Variants in PLEKHG4B observed in about 807,000 individuals in gnomAD.
PLEKHG4B encodes pleckstrin homology and RhoGEF domain containing G4B.
In PLEKHG4B, 111 loss-of-function variants were observed where a neutral mutation model predicts 121.3. The ratio of observed to expected loss-of-function variants is 0.92; its 90% CI spans 0.78 to 1.07. The LOEUF (loss-of-function observed/expected upper bound fraction) is 1.07. Among genes scored for constraint, PLEKHG4B ranks in the 50% least tolerant of loss-of-function variants. The probability of loss-of-function intolerance (pLI) is 0.00; values close to 1 mark genes in which losing one functional copy is unlikely to be tolerated. For synonymous variants in PLEKHG4B, 738 were observed against 725.0 expected, an observed-to-expected ratio of 1.02 and a Z score of -0.29; for missense variants, 1,831 against 1,757.8, an observed-to-expected ratio of 1.04 and a Z score of -0.74.
At chr5:158,944 G>A (rs1053516093) in intron 11 of PLEKHG4B, among the ~76,000 whole-genome samples, 7 of 152,244 alleles carry the variant, frequency 4.6e-5, no homozygotes, top group African/African-American at 9.6e-5. Context: ...TTTTGAGGCC[G>A]TGGTATCTAA....
intron 13 of PLEKHG4B, among the ~76,000 whole-genome samples, chr5:164,334 A>T (rs557444376): frequency 2.0e-5 from 3 of 152,190 alleles, no homozygotes; most frequent in Admixed American, 2.0e-4. Flanking sequence ...CATGTGCAGT[A>T]GTGTTCGTGC....
intron 2 of PLEKHG4B, among the ~76,000 whole-genome samples, chr5:134,152 G>GA (rs1734876063): frequency 1.0e-5 from 1 of 99,808 alleles, no homozygotes; most frequent in Admixed American, 1.2e-4. Flanking sequence ...CCATAAAAAA[G>GA]AACAAAATAA....
chr5:150,630 T>G (rs937290526), intron 6 of PLEKHG4B, among the ~76,000 whole-genome samples: 2 of 152,196 alleles, frequency 1.3e-5, no homozygotes, highest in African/African-American at 4.8e-5. Flanking sequence ...TTGAGTACTC[T>G]TCACTGAAGA....
chr5:154,754 C>T, intron 7 of PLEKHG4B, 121 bp from the exon 8 acceptor site: 1 of 735,730 alleles, frequency 1.4e-6, no homozygotes, highest in Non-Finnish European at 2.4e-6. Flanking sequence ...TCCAGCAAAG[C>T]AGGGGCGATA....
chr5:152,931 C>T (rs1735652280), intron 7 of PLEKHG4B, among the ~76,000 whole-genome samples: 1 of 152,186 alleles, frequency 6.6e-6, no homozygotes, highest in South Asian at 2.1e-4. Context: ...TCTTGCTTCT[C>T]CTTTGCCTTC....
chr5:114,740 A>G (rs1734258139), intron 2 of PLEKHG4B, among the ~76,000 whole-genome samples: 1 of 152,206 alleles, frequency 6.6e-6, no homozygotes, highest in African/African-American at 2.4e-5. Context: ...TTAATAAACC[A>G]TGTTCTTTGC....
chr5:141,960 A>G (rs1281913047), intron 3 of PLEKHG4B, among the ~76,000 whole-genome samples: 1 of 152,136 alleles, frequency 6.6e-6, no homozygotes, highest in Non-Finnish European at 1.5e-5. Flanking sequence ...AGGCAATGGC[A>G]CCACAGCCCT....
At chr5:125,916 GT>G (rs1734599753) in intron 2 of PLEKHG4B, among the ~76,000 whole-genome samples, 1 of 152,242 alleles carries the variant, frequency 6.6e-6, no homozygotes, top group Middle Eastern at 3.4e-3. Context: ...CATTTTGAAT[GT>G]TTTGTCCCAC....
chr5:149,817 CAATT>C (rs1173674342), intron 6 of PLEKHG4B, among the ~76,000 whole-genome samples: 2 of 152,152 alleles, frequency 1.3e-5, no homozygotes, highest in Non-Finnish European at 2.9e-5. Context: ...ATCAAAACCT[CAATT>C]AAATACCACT....
intron 1 of PLEKHG4B, among the ~76,000 whole-genome samples, chr5:97,365 G>A (rs7723241): frequency 0.019 from 2,113 of 110,464 alleles, 2 homozygotes; most frequent in African/African-American, 0.052. Flanking sequence ...TCCTCATTCC[G>A]AAGTCAAAAC....
intron 2 of PLEKHG4B, among the ~76,000 whole-genome samples, chr5:115,364 G>C (rs550261720): frequency 1.2e-4 from 18 of 152,318 alleles, no homozygotes; most frequent in Admixed American, 7.2e-4. Flanking sequence ...TATTTATAGA[G>C]CAAGGCCAAG....
chr5:150,362 G>C (rs1313321605), intron 6 of PLEKHG4B, among the ~76,000 whole-genome samples: 2 of 152,168 alleles, frequency 1.3e-5, no homozygotes, highest in African/African-American at 4.8e-5. Context: ...GGGGGTAATG[G>C]AGAGTTTTTC....
At chr5:94,413 C>G (rs1733567454) in intron 1 of PLEKHG4B, among the ~76,000 whole-genome samples, 1 of 151,452 alleles carries the variant, frequency 6.6e-6, no homozygotes, top group Admixed American at 6.6e-5. Context: ...TTTGTCTGAC[C>G]CGAGACCCCA....
rs750399565 is a variant in PLEKHG4B, at chr5:182,118, C to T, written c.4679C>T (p.Ser1560Phe). Residue 1560 changes from serine (S) to phenylalanine (F), a missense_variant, in exon 20 of 20, where the codon TCC becomes TTC. Physicochemically the swap from Ser to Phe is radical, Grantham distance 155. Coordinates refer to ENST00000637938, the MANE Select transcript of PLEKHG4B (RefSeq NM_052909.5). ...SSTSSSSSQSSSILGSLGLLV... is the reference protein window; with the variant it reads ...SSTSSSSSQSFSILGSLGLLV... ...ACCTCCTCTTCTAGCAGCCAGTCCT[C>T]CTCCATCCTGGGGTCGCTGGGCCTG... The T allele has an allele frequency of 6.2e-6, 10 of 1,614,146 alleles. No homozygotes were observed. In the South Asian group the frequency reaches 1.1e-4, roughly 18 times the overall value.
chr5:140,493 G>T lies in PLEKHG4B; in HGVS notation c.1254G>T (p.Arg418Ser), dbSNP rs775104874. The change falls in exon 3 of 20, where the codon AGG (arginine) becomes AGT (serine). Residue 418 changes from arginine to serine, a missense_variant. Coordinates refer to ENST00000637938, the MANE Select transcript of PLEKHG4B (RefSeq NM_052909.5). ...AGACCCCAAGTCTAGAGAAGGAGAG[G>T]CACACACCCAGCCGGACAGGTCCAG... ...PQQTPSLEKE[R>S]HTPSRTGPGA... The T allele has an allele frequency of 6.3e-7, 1 of 1,596,026 alleles. No homozygotes were observed. The highest frequency in any genetic ancestry group is 8.5e-7 in the Non-Finnish European group (1 of 1,171,746).
intron 6 of PLEKHG4B, 128 bp downstream of exon 6, chr5:145,048 C>T: frequency 1.3e-6 from 1 of 793,904 alleles, no homozygotes; most frequent in Non-Finnish European, 2.0e-6. Flanking sequence ...GAGATGGGGG[C>T]CCCTGTGCAG....
intron 11 of PLEKHG4B, among the ~76,000 whole-genome samples, chr5:160,845 C>T (rs535895448): frequency 2.6e-5 from 4 of 152,304 alleles, no homozygotes; most frequent in South Asian, 2.1e-4. Context: ...CTGCCGAAGC[C>T]GCACCTGCCC....
Position 140,018 on chromosome 5 carries a change from G to T in PLEKHG4B, c.779G>T (p.Ser260Ile), listed in dbSNP as rs1173987494. Residue 260 changes from serine (S) to isoleucine (I), a missense_variant, in exon 3 of 20, where the codon AGC (serine) becomes ATC (isoleucine). Coordinates refer to ENST00000637938, the MANE Select transcript of PLEKHG4B (RefSeq NM_052909.5). ...CCCTGCCGCCGAGGGCATACGGGCA[G>T]CGACCAGCTCAGGCACCTTCCTTAT... ...TSPCRRGHTG[S>I]DQLRHLPYPE... 2 of 411,750 alleles carry T rather than the reference G, an allele frequency of 4.9e-6. No homozygotes were observed. The allele number at this position is 411,750 out of a possible 1,614,324, so 25.5% of individuals were successfully genotyped here. A position where few individuals can be genotyped will look rare whatever the true frequency, so the allele number is the denominator to read the frequency against.
intron 2 of PLEKHG4B, among the ~76,000 whole-genome samples, chr5:129,943 A>G (rs951963474): frequency 1.2e-4 from 19 of 152,202 alleles, no homozygotes; most frequent in Non-Finnish European, 2.4e-4. Flanking sequence ...GCAAGAGGAC[A>G]GGCTTCACCC....
Sources: gnomAD v4.1 joint callset for allele counts (sites outside exome capture counted in the v4.1 genomes callset) on GRCh38, gnomAD v4.1.1 for gene constraint, MANE v1.5 for transcripts, NCBI Gene and HGNC (gene_info 2026-07-23, HGNC 2026-07-21) for gene names.